Variants in GTF2E2 observed in about 807,000 individuals in gnomAD.
The protein encoded by GTF2E2 is transcription initiation factor IIE subunit beta.
GTF2E2 carries 21 observed loss-of-function variants against 40.5 expected under a neutral mutation model. The observed-to-expected ratio is 0.52, with a 90% confidence interval of 0.37 to 0.75. GTF2E2 has a LOEUF of 0.75. GTF2E2 is among the 30% of genes least tolerant of loss of function. The pLI is 0.00. For missense variants in GTF2E2, 298 were observed against 338.4 expected, an observed-to-expected ratio of 0.88 and a Z score of 0.94; for synonymous variants, 117 against 121.6, an observed-to-expected ratio of 0.96 and a Z score of 0.25.
chr8:30,636,619 T>C (rs925530766), intron 2 of GTF2E2, among the ~76,000 whole-genome samples: 1 of 152,148 alleles, frequency 6.6e-6, no homozygotes, highest in Non-Finnish European at 1.5e-5. Context: ...AAGAATGCCT[T>C]ACAGTTGGGA....
At position 30,606,791 on chromosome 8, in the gene GTF2E2, G is replaced by A. The variant is rs756694418; in HGVS notation, c.643+266C>T. On this transcript the variant is annotated intron_variant, in intron 6 of 7. Coordinates refer to ENST00000355904, the MANE Select transcript of GTF2E2 (RefSeq NM_002095.6). ...AGTCTAAAGATAAAGAAATAAACCC[G>A]TTTGGTTCAGTTGAGCTATAAACAT... Among the ~76,000 whole-genome samples, 18 of 152,092 alleles carry A rather than the reference G, an allele frequency of 1.2e-4. No homozygotes were observed. The East Asian group carries it at 1.5e-3, about 13-fold the overall frequency.
At chr8:30,633,567 C>A (rs575085999) in intron 3 of GTF2E2, among the ~76,000 whole-genome samples, 1 of 152,178 alleles carries the variant, frequency 6.6e-6, no homozygotes, top group South Asian at 2.1e-4. Context: ...CTGTAGGGAG[C>A]ACAAGTAAAA....
In GTF2E2 at chr8:30,604,804, CT is replaced by C. The variant is rs1829274704; in HGVS notation, c.643+2252del. ...GAAAGTGAAAATTCTCATTTTACCC[CT>C]ATAAGCTATGCAATAAGGAAATAGA... On this transcript the variant is annotated intron_variant, in intron 6 of 7. Coordinates refer to ENST00000355904, the MANE Select transcript of GTF2E2 (RefSeq NM_002095.6). Among the ~76,000 whole-genome samples, 4 of 152,010 alleles carry C rather than the reference CT, an allele frequency of 2.6e-5. No homozygotes were observed. In the South Asian group the frequency reaches 8.3e-4, roughly 32 times the overall value.
At chr8:30,588,317 G>A (rs1472597601) in intron 6 of GTF2E2, among the ~76,000 whole-genome samples, 1 of 152,152 alleles carries the variant, frequency 6.6e-6, no homozygotes, top group Non-Finnish European at 1.5e-5. Context: ...TAAAGACTCA[G>A]TCTAAGTGTC....
intron 7 of GTF2E2, among the ~76,000 whole-genome samples, chr8:30,579,725 C>T (rs1259359502): frequency 6.6e-6 from 1 of 152,138 alleles, no homozygotes; most frequent in Non-Finnish European, 1.5e-5. Context: ...ATCATCCCCC[C>T]GGGCTTTGTT....
chr8:30,581,304 C>T (rs1456722448), intron 6 of GTF2E2, among the ~76,000 whole-genome samples: 1 of 152,152 alleles, frequency 6.6e-6, no homozygotes, highest in Non-Finnish European at 1.5e-5. Context: ...CCTCACCCAG[C>T]GCCGCCCTCC....
At chr8:30,616,366 G>A (rs2151131875) in intron 3 of GTF2E2, among the ~76,000 whole-genome samples, 1 of 152,206 alleles carries the variant, frequency 6.6e-6, no homozygotes, top group South Asian at 2.1e-4. Context: ...AACCTGGGAG[G>A]CGGAGGTTGC....
rs141148292 is a variant in GTF2E2 at position 30,653,526 on chromosome 8, G to A, written c.73C>T (p.Arg25Cys). ...RALSTPVVEK[R>C]SASSESSSSS... ...GATGATGACTCAGAAGATGCTGAAC[G>A]TTTTTCTACTACAGGAGTAGAAAGA... Residue 25 changes from arginine (R) to cysteine (C), a missense_variant, in exon 2 of 8, where the codon CGT becomes TGT. Arg to Cys is a radical substitution (Grantham distance 180). Coordinates refer to ENST00000355904, the MANE Select transcript of GTF2E2 (RefSeq NM_002095.6). 948 of 1,612,650 alleles carry A rather than the reference G, an allele frequency of 5.9e-4. No homozygotes were observed. Among genetic ancestry groups the A allele is most frequent in the Non-Finnish European group, 7.8e-4 (924 of 1,178,892 alleles).
At chr8:30,613,074 A>C (rs1829525739) in intron 4 of GTF2E2, among the ~76,000 whole-genome samples, 3 of 152,228 alleles carry the variant, frequency 2.0e-5, no homozygotes, top group Admixed American at 6.5e-5. Flanking sequence ...ACTACTTTGA[A>C]AAAAGCTGAA....
chr8:30,611,848 G>A (rs962584106), intron 5 of GTF2E2, among the ~76,000 whole-genome samples: 2 of 152,192 alleles, frequency 1.3e-5, no homozygotes, highest in African/African-American at 4.8e-5. Flanking sequence ...AATTTAAACT[G>A]GAAATGTCAT....
At chr8:30,592,015 C>G (rs1405571887) in intron 6 of GTF2E2, among the ~76,000 whole-genome samples, 1 of 152,158 alleles carries the variant, frequency 6.6e-6, no homozygotes, top group Non-Finnish European at 1.5e-5. Context: ...TGTGCTTTCA[C>G]TTTCATTTAA....
At chr8:30,580,546 A>C in intron 6 of GTF2E2, 150 bp from the exon 7 acceptor site, 1 of 611,766 alleles carries the variant, frequency 1.6e-6, no homozygotes, top group Non-Finnish European at 2.9e-6. Flanking sequence ...GAACATCCAC[A>C]TGTGGGACAC....
intron 6 of GTF2E2, among the ~76,000 whole-genome samples, chr8:30,582,077 T>C (rs1375762414): frequency 6.6e-6 from 1 of 152,164 alleles, no homozygotes; most frequent in Admixed American, 6.5e-5. Context: ...AGTGGCGCAA[T>C]CTCAGCTCAC....
At chr8:30,638,036 G>C (rs146316832) in intron 2 of GTF2E2, among the ~76,000 whole-genome samples, 2,508 of 152,274 alleles carry the variant, frequency 0.016, 25 homozygotes, top group Non-Finnish European at 0.026. Context: ...AATGCAGGTA[G>C]TGTATTTACC....
chr8:30,638,908 AC>A (rs1801706724), intron 2 of GTF2E2, among the ~76,000 whole-genome samples: 1 of 152,158 alleles, frequency 6.6e-6, no homozygotes. Context: ...CTCAGAGTAA[AC>A]CATAGCTTTT....
At chr8:30,656,572 G>A (rs1802454888) in intron 1 of GTF2E2, among the ~76,000 whole-genome samples, 1 of 152,204 alleles carries the variant, frequency 6.6e-6, no homozygotes. Flanking sequence ...ACTTTGGGAG[G>A]CCGAGGAGGG....
intron 3 of GTF2E2, among the ~76,000 whole-genome samples, chr8:30,623,207 A>C (rs1801164576): frequency 6.6e-6 from 1 of 152,144 alleles, no homozygotes; most frequent in African/African-American, 2.4e-5. Context: ...CCATGGTTTC[A>C]GTCGGTCCCT....
intron 6 of GTF2E2, among the ~76,000 whole-genome samples, chr8:30,587,871 TAA>T (rs58179732): frequency 1.5e-4 from 16 of 105,062 alleles, no homozygotes; most frequent in African/African-American, 5.4e-4. Context: ...GACTCCGTCT[TAA>T]AAAAAAAAAA....
chr8:30,653,989 G>A (rs1055522104), intron 1 of GTF2E2, among the ~76,000 whole-genome samples: 3 of 151,678 alleles, frequency 2.0e-5, no homozygotes, highest in African/African-American at 7.3e-5. Flanking sequence ...CTCGGGAGGC[G>A]GAAGTGGGAG....
Sources: allele counts gnomAD v4.1 joint callset (sites outside exome capture counted in the v4.1 genomes callset), GRCh38; gene constraint gnomAD v4.1.1; transcripts MANE v1.5; gene names NCBI Gene and HGNC (gene_info 2026-07-23, HGNC 2026-07-21).